Variants in JUP observed in about 807,000 individuals in gnomAD.
The protein encoded by JUP is catenin (cadherin-associated protein), gamma 80kDa.
A neutral mutation model predicts 71.1 loss-of-function variants in JUP; 28 were observed. The observed-to-expected ratio is 0.39, with a 90% CI of 0.29 to 0.54. JUP has a LOEUF of 0.54. Ranked by LOEUF, JUP falls within the 20% of genes least tolerant of loss-of-function variation. JUP has a pLI of 0.62. For missense variants in JUP, 869 were observed against 1,030.1 expected (o/e 0.84, Z 2.14); for synonymous variants, 401 against 438.9 (o/e 0.91, Z 1.08).
chr17:41,758,904 T>C (rs1420945737), intron 8 of JUP, 34 bp from the exon 9 acceptor site: 10 of 1,588,528 alleles, frequency 6.3e-6, no homozygotes, highest in Admixed American at 5.2e-5. Flanking sequence ...CAGGGGCACT[T>C]CTTGGACATC....
At position 41,755,323 on chromosome 17, in the gene JUP, C is replaced by T. The variant is rs1317598650; in HGVS notation, c.*421G>A. 5 of 402,442 alleles carry T rather than the reference C, an allele frequency of 1.2e-5. No individual in the cohort carries two copies. Among genetic ancestry groups the T allele is most frequent in the Non-Finnish European group, 2.2e-5 (5 of 228,632 alleles). The allele number at this position is 402,442 out of a possible 1,614,324, so 24.9% of individuals were successfully genotyped here. A position where few individuals can be genotyped will look rare whatever the true frequency, so the allele number is the denominator to read the frequency against. ...CCAAGAAAGACCCTACGGAGGACCT[C>T]TGGAGGCGCAGGGTGCAGCAGGAAG... On this transcript the variant is annotated 3_prime_UTR_variant, in exon 14 of 14. Coordinates refer to ENST00000393931, the MANE Select transcript of JUP (RefSeq NM_002230.4).
At chr17:41,773,490 C>T (rs1555607719) in intron 1 of JUP, among the ~76,000 whole-genome samples, 2 of 152,212 alleles carry the variant, frequency 1.3e-5, no homozygotes, top group East Asian at 1.9e-4. Flanking sequence ...GAAGCAGTCC[C>T]GCCACCTCAG....
chr17:41,759,476 C>T, intron 8 of JUP, among the ~76,000 whole-genome samples: 1 of 134,726 alleles, frequency 7.4e-6, no homozygotes, highest in Middle Eastern at 3.4e-3. Context: ...TCTTTCTTAA[C>T]CACCCCCCAC....
intron 1 of JUP, among the ~76,000 whole-genome samples, chr17:41,780,916 C>T (rs138623671): frequency 0.016 from 2,484 of 152,090 alleles, 35 homozygotes; most frequent in Non-Finnish European, 0.02. Flanking sequence ...CACAGTGGCT[C>T]ACGCCTGTAA....
At chr17:41,785,339 A>AG in intron 1 of JUP, among the ~76,000 whole-genome samples, 1 of 151,220 alleles carries the variant, frequency 6.6e-6, no homozygotes, top group Admixed American at 6.6e-5. Context: ...ATTCCTGGGG[A>AG]GGGGGCAGAG....
intron 1 of JUP, among the ~76,000 whole-genome samples, chr17:41,774,040 G>C (rs1488529979): frequency 6.6e-6 from 1 of 152,166 alleles, no homozygotes; most frequent in Non-Finnish European, 1.5e-5. Flanking sequence ...TCAGCTAAGG[G>C]AGAGGGAAGC....
rs1915430789 is a variant in JUP, at chr17:41,764,776, G to A, written c.1095C>T (p.Ser365=). The change falls in exon 7 of 14, where the codon AGC becomes AGT. Residue 365 remains serine, a synonymous_variant. Coordinates refer to ENST00000393931, the MANE Select transcript of JUP (RefSeq NM_002230.4). ...QALGKHLTSN[S]PRLVQNCLWT... ...ACAGGCAGTTCTGCACCAGGCGGGGGCTGTTGCTGGTCAGGTGCTTGCCCA... is the reference window on the plus strand; with the variant it reads ...ACAGGCAGTTCTGCACCAGGCGGGGACTGTTGCTGGTCAGGTGCTTGCCCA... 1 of 1,613,702 alleles carries A rather than the reference G, an allele frequency of 6.2e-7. No individual in the cohort carries two copies. Among genetic ancestry groups the A allele is most frequent in the Non-Finnish European group, 8.5e-7 (1 of 1,179,976 alleles).
chr17:41,767,969 A>G (rs7406425), intron 4 of JUP, among the ~76,000 whole-genome samples: 123,000 of 152,196 alleles, frequency 0.81, 50,211 homozygotes, highest in African/African-American at 0.89. Context: ...CTGGTATGGG[A>G]ATGAGAAATA....
Position 41,771,863 on chromosome 17 carries a change from C to T in JUP, c.-8-1G>A, listed in dbSNP as rs1555607172. The T allele has an allele frequency of 6.2e-7, 1 of 1,605,510 alleles. No homozygotes were observed. Among genetic ancestry groups the T allele is most frequent in the East Asian group, 2.2e-5 (1 of 44,580 alleles). On this transcript the variant is annotated splice_acceptor_variant, in intron 1 of 13. Transcript: ENST00000393931. LOFTEE classifies it low-confidence loss of function (5UTR_SPLICE). ...AGGTTCATCACCTCCATCGTGGCTACTGGGGGCACAAAGGAGGAAGTCAGG... is the reference window on the plus strand; with the variant it reads ...AGGTTCATCACCTCCATCGTGGCTATTGGGGGCACAAAGGAGGAAGTCAGG...
Position 41,759,011 on chromosome 17 carries a change from A to G in JUP, c.1498-141T>C, listed in dbSNP as rs1001453362. 2.8e-5 allele frequency: 23 copies of G among 826,568 alleles called. 1 individual carries two copies. The South Asian group carries it at 3.6e-4, about 13-fold the overall frequency. 51.2% of individuals were successfully genotyped at this position (826,568 alleles called of 1,614,324 possible). ...CAGACATACTGGAAAATATCCAGAG[A>G]AGGAGACCATCCCAGCCATGTCACT... On this transcript the variant is annotated intron_variant, in intron 8 of 13. Coordinates refer to ENST00000393931, the MANE Select transcript of JUP (RefSeq NM_002230.4).
At chr17:41,766,117 T>C (rs969810889) in intron 5 of JUP, among the ~76,000 whole-genome samples, 1 of 151,952 alleles carries the variant, frequency 6.6e-6, no homozygotes, top group African/African-American at 2.4e-5. Flanking sequence ...ATTAGCTCAG[T>C]AGTATGTTCT....
intron 1 of JUP, chr17:41,785,060 C>T (rs1055116856): frequency 6.6e-6 from 1 of 152,050 alleles, no homozygotes; most frequent in South Asian, 2.1e-4. Flanking sequence ...TTGAAGAAAC[C>T]TTCCCCCAAA....
chr17:41,763,858 C>T lies in JUP; in HGVS notation c.1159-537G>A, dbSNP rs9904679. Among the ~76,000 whole-genome samples, 687 of 152,306 alleles carry T rather than the reference C, an allele frequency of 4.5e-3. 5 individuals carry two copies. The highest frequency in any genetic ancestry group is 0.016 in the African/African-American group (661 of 41,552). On this transcript the variant is annotated intron_variant, in intron 7 of 13. Transcript: ENST00000393931. ...ACCTCAGACGTCTATCTCACTTCTC[C>T]CAGGGAGACACGTGGGCCTTGTGGT...
At chr17:41,756,314 G>A in intron 12 of JUP, 100 bp from the exon 13 acceptor site, 2 of 1,231,816 alleles carry the variant, frequency 1.6e-6, no homozygotes, top group Non-Finnish European at 2.4e-6. Flanking sequence ...AAAAGAGGGG[G>A]CCAGGCTGGG....
rs1555598672 is a variant in JUP, at chr17:41,757,482, T to A, written c.1979A>T (p.Tyr660Phe). Residue 660 changes from tyrosine to phenylalanine, a missense_variant, in exon 12 of 14, where the codon TAC (tyrosine) becomes TTC (phenylalanine). By Grantham distance (22) the Tyr-to-Phe change is conservative. Transcript: ENST00000393931. Reference protein sequence around the residue: ...FRISEDKNPDYRKRVSVELTN... With the variant: ...FRISEDKNPDFRKRVSVELTN... ...GAGCTCCACGGACACGCGCTTCCGGTAGTCTGGGTTCTTGTCCTCGGAGAT... is the reference window on the plus strand; with the variant it reads ...GAGCTCCACGGACACGCGCTTCCGGAAGTCTGGGTTCTTGTCCTCGGAGAT... 6.2e-7 allele frequency: 1 copy of A among 1,614,144 alleles called. No homozygotes were observed. Among genetic ancestry groups the A allele is most frequent in the Non-Finnish European group, 8.5e-7 (1 of 1,180,034 alleles).
chr17:41,770,327 C>T (rs1916454218), intron 2 of JUP, among the ~76,000 whole-genome samples: 1 of 152,180 alleles, frequency 6.6e-6, no homozygotes, highest in Non-Finnish European at 1.5e-5. Flanking sequence ...TCTCTAGCTT[C>T]CATCCCCTGG....
In JUP at chr17:41,754,709, C is replaced by A. The variant is rs1386337915; in HGVS notation, c.*1035G>T. ...ATAAAACACTCTGCTTGGACCTCCC[C>A]CAGCCCCCCACACCATGTGCGGGAA... On this transcript the variant is annotated 3_prime_UTR_variant, in exon 14 of 14. Coordinates refer to ENST00000393931, the MANE Select transcript of JUP (RefSeq NM_002230.4). 3 of 152,822 alleles carry A rather than the reference C, an allele frequency of 2.0e-5. No homozygotes were observed. Among genetic ancestry groups the A allele is most frequent in the Admixed American group, 2.0e-4 (3 of 15,284 alleles). The allele number at this position is 152,822 out of a possible 1,614,324, so 9.5% of individuals were successfully genotyped here. A position where few individuals can be genotyped will look rare whatever the true frequency, so the allele number is the denominator to read the frequency against.
intron 1 of JUP, among the ~76,000 whole-genome samples, chr17:41,782,637 G>A (rs556495824): frequency 2.0e-5 from 3 of 152,138 alleles, no homozygotes; most frequent in African/African-American, 4.8e-5. Flanking sequence ...GGGAGAAGCC[G>A]CTTCCACCGG....
chr17:41,759,735 A>G (rs1375012019), intron 8 of JUP, among the ~76,000 whole-genome samples: 1 of 152,090 alleles, frequency 6.6e-6, no homozygotes, highest in Admixed American at 6.6e-5. Context: ...AGACGCCAGG[A>G]GGACAGGGAT....
Sources: gnomAD v4.1 joint callset for allele counts (sites outside exome capture counted in the v4.1 genomes callset) on GRCh38, gnomAD v4.1.1 for gene constraint, MANE v1.5 for transcripts, NCBI Gene and HGNC (gene_info 2026-07-23, HGNC 2026-07-21) for gene names.